The following THSD7B variants were observed in gnomAD, a reference collection of about 807,000 sequenced individuals.
THSD7B encodes the protein thrombospondin type-1 domain-containing protein 7B.
Under a neutral mutation model 213.6 loss-of-function variants are expected in THSD7B, and 138 were observed. The ratio of observed to expected loss-of-function variants is 0.65; its 90% CI spans 0.56 to 0.74. The LOEUF (loss-of-function observed/expected upper bound fraction) is 0.74, where lower values mean the gene tolerates loss of function less well. Ranked by LOEUF, THSD7B falls within the 30% of genes least tolerant of loss-of-function variation. The pLI is 0.00. For missense variants in THSD7B, 1,931 were observed against 1,991.5 expected (o/e 0.97, Z 0.58); for synonymous variants, 742 against 687.0 (o/e 1.08, Z -1.25).
chr2:137,100,004 T>C (rs1350009958), intron 4 of THSD7B, among the ~76,000 whole-genome samples: 3 of 152,280 alleles, frequency 2.0e-5, no homozygotes, highest in East Asian at 1.9e-4. Context: ...CTGGGCACCC[T>C]GCACCCCACT....
intron 16 of THSD7B, among the ~76,000 whole-genome samples, chr2:137,567,644 T>G (rs932902339): frequency 1.3e-5 from 2 of 152,038 alleles, no homozygotes; most frequent in Non-Finnish European, 2.9e-5. Flanking sequence ...GGTGATAAAA[T>G]GATTGCAGAG....
intron 2 of THSD7B, among the ~76,000 whole-genome samples, chr2:137,050,818 G>T (rs34244784): frequency 0.084 from 12,739 of 152,078 alleles, 767 homozygotes; most frequent in African/African-American, 0.17. Flanking sequence ...ATTTTTTAAT[G>T]AAATGCAACA....
At chr2:137,306,237 C>T (rs547395110) in intron 12 of THSD7B, among the ~76,000 whole-genome samples, 3 of 152,210 alleles carry the variant, frequency 2.0e-5, no homozygotes, top group African/African-American at 7.2e-5. Flanking sequence ...AGGAATTTTT[C>T]TGCTCCGTTA....
intron 1 of THSD7B, among the ~76,000 whole-genome samples, chr2:136,794,883 A>T (rs1682033938): frequency 6.6e-6 from 1 of 151,936 alleles, no homozygotes; most frequent in African/African-American, 2.4e-5. Context: ...TTTCAGTTAA[A>T]TTGACACTTG....
At chr2:137,565,683 G>A (rs1360157298) in intron 16 of THSD7B, among the ~76,000 whole-genome samples, 1 of 152,128 alleles carries the variant, frequency 6.6e-6, no homozygotes, top group Non-Finnish European at 1.5e-5. Context: ...TCACTTGGTG[G>A]AAGCTTCTGG....
At chr2:137,228,509 A>T (rs1283327393) in intron 7 of THSD7B, among the ~76,000 whole-genome samples, 1 of 152,142 alleles carries the variant, frequency 6.6e-6, no homozygotes, top group Non-Finnish European at 1.5e-5. Context: ...TTCAGTCTAG[A>T]TCATTTGGAA....
chr2:136,818,550 A>T (rs571637632), intron 1 of THSD7B, among the ~76,000 whole-genome samples: 2 of 152,260 alleles, frequency 1.3e-5, no homozygotes, highest in East Asian at 1.9e-4. Flanking sequence ...AGTATAATAA[A>T]AAATAAATAA....
intron 10 of THSD7B, among the ~76,000 whole-genome samples, chr2:137,260,107 T>C (rs1573917491): frequency 6.6e-6 from 1 of 152,186 alleles, no homozygotes; most frequent in Non-Finnish European, 1.5e-5. Flanking sequence ...TAAAACACTT[T>C]AAAAACATTT....
chr2:137,033,098 A>T (rs957763803), intron 2 of THSD7B, among the ~76,000 whole-genome samples: 3 of 151,086 alleles, frequency 2.0e-5, no homozygotes, highest in Non-Finnish European at 4.4e-5. Context: ...AAATTACATC[A>T]GTTAGTTATT....
chr2:137,191,633 A>G (rs1043167600), intron 7 of THSD7B, among the ~76,000 whole-genome samples: 1 of 151,852 alleles, frequency 6.6e-6, no homozygotes, highest in Admixed American at 6.6e-5. Flanking sequence ...ACCCTAGACC[A>G]TGGCCCCATG....
At chr2:137,625,841 A>C (rs532230524) in intron 20 of THSD7B, among the ~76,000 whole-genome samples, 1 of 152,352 alleles carries the variant, frequency 6.6e-6, no homozygotes, top group South Asian at 2.1e-4. Context: ...CTCCTGTGGC[A>C]TATTTCTGTC....
At chr2:137,563,094 T>A in intron 15 of THSD7B, 127 bp from the exon 16 acceptor site, 1 of 989,856 alleles carries the variant, frequency 1.0e-6, no homozygotes, top group South Asian at 2.3e-5. Flanking sequence ...TTTGGGAAAG[T>A]AATTTGGCTG....
At chr2:137,348,661 T>G (rs928564453) in intron 12 of THSD7B, among the ~76,000 whole-genome samples, 2 of 150,226 alleles carry the variant, frequency 1.3e-5, no homozygotes, top group Non-Finnish European at 3.0e-5. Context: ...TAGTATTTCA[T>G]GGGCTGTGTA....
chr2:137,206,159 C>A (rs1332592147), intron 7 of THSD7B, among the ~76,000 whole-genome samples: 1 of 151,762 alleles, frequency 6.6e-6, no homozygotes, highest in Non-Finnish European at 1.5e-5. Context: ...TCTTAAGCAG[C>A]TGTTGACTGC....
intron 1 of THSD7B, among the ~76,000 whole-genome samples, chr2:136,774,219 G>A (rs182398768): frequency 9.9e-5 from 15 of 152,136 alleles, no homozygotes; most frequent in Non-Finnish European, 1.9e-4. Context: ...AAGATTTTAA[G>A]TAACCAGTGT....
chr2:137,071,983 C>G (rs1244015880), intron 3 of THSD7B, among the ~76,000 whole-genome samples: 8 of 152,134 alleles, frequency 5.3e-5, no homozygotes, highest in Admixed American at 4.6e-4. Flanking sequence ...GTTTTGGTAC[C>G]AGTATCATGC....
intron 12 of THSD7B, among the ~76,000 whole-genome samples, chr2:137,404,834 A>G (rs932058914): frequency 2.0e-5 from 3 of 151,858 alleles, no homozygotes; most frequent in East Asian, 3.9e-4. Context: ...GAATGATACA[A>G]TGAACTTTGG....
chr2:137,196,940 C>T (rs997481883), intron 7 of THSD7B, among the ~76,000 whole-genome samples: 1 of 152,174 alleles, frequency 6.6e-6, no homozygotes, highest in Non-Finnish European at 1.5e-5. Flanking sequence ...ACAGCGGGCT[C>T]CTCCTGTTAC....
chr2:137,326,611 C>T (rs904798765), intron 12 of THSD7B, among the ~76,000 whole-genome samples: 2 of 152,218 alleles, frequency 1.3e-5, no homozygotes, highest in African/African-American at 4.8e-5. Flanking sequence ...TCATACCTCG[C>T]AGTTCCCCTT....
Sources: gnomAD v4.1 joint callset for allele counts (sites outside exome capture counted in the v4.1 genomes callset) on GRCh38, gnomAD v4.1.1 for gene constraint, MANE v1.5 for transcripts, NCBI Gene and HGNC (gene_info 2026-07-23, HGNC 2026-07-21) for gene names.